Variants in SLC22A25 observed in about 807,000 individuals in gnomAD.
SLC22A25 encodes MGI:2442751, MGI:2385316, MGI:3042283, MGI:3645714, MGI:3605624, MGI:2442750.
In SLC22A25, 44 loss-of-function variants were observed where a neutral mutation model predicts 45.9. The ratio of observed to expected loss-of-function variants is 0.96; its 90% CI spans 0.75 to 1.23. The LOEUF is 1.23. Ranked by LOEUF, SLC22A25 falls within the 50% of genes most tolerant of loss-of-function variation. The pLI, the probability that SLC22A25 is intolerant of heterozygous loss-of-function variation, is 0.00. For synonymous variants in SLC22A25, 283 were observed against 238.6 expected, an observed-to-expected ratio of 1.19 and a Z score of -1.72; for missense variants, 800 against 666.4, an observed-to-expected ratio of 1.20 and a Z score of -2.21.
At chr11:63,227,140 G>A (rs1165444919) in intron 5 of SLC22A25, among the ~76,000 whole-genome samples, 8 of 152,074 alleles carry the variant, frequency 5.3e-5, no homozygotes, top group Non-Finnish European at 5.9e-5. Context: ...TCCCCACTGC[G>A]GCTGAGCTGG....
At chr11:63,217,809 C>G in intron 5 of SLC22A25, 74 bp from the exon 6 acceptor site, 2 of 1,501,806 alleles carry the variant, frequency 1.3e-6, no homozygotes, top group Non-Finnish European at 1.8e-6. Context: ...GGAAAGCACA[C>G]TTTGAAACTT....
At chr11:63,190,183 A>C (rs1029658983) in intron 7 of SLC22A25, among the ~76,000 whole-genome samples, 4 of 152,166 alleles carry the variant, frequency 2.6e-5, no homozygotes, top group African/African-American at 7.2e-5. Context: ...CAGGTACACC[A>C]ATCAGATGTA....
At chr11:63,180,921 A>G in intron 8 of SLC22A25, 146 bp from the exon 9 acceptor site, 3 of 589,532 alleles carry the variant, frequency 5.1e-6, no homozygotes, top group East Asian at 2.8e-5. Context: ...GCAATGGCAA[A>G]TATAAAAGTG....
chr11:63,166,811 A>G (rs1285381071), intron 9 of SLC22A25: 15 of 983,786 alleles, frequency 1.5e-5, no homozygotes, highest in African/African-American at 1.7e-5. Flanking sequence ...TTTTTATATT[A>G]TGTATATTTA....
Position 63,159,101 on chromosome 11 carries a change from T to C in SLC22A25, c.*4723A>G, listed in dbSNP as rs893767892. Among the ~76,000 whole-genome samples the C allele has an allele frequency of 2.6e-5, 4 of 152,232 alleles. No homozygotes were observed. The highest frequency in any genetic ancestry group is 9.6e-5 in the African/African-American group (4 of 41,464). On this transcript the variant is annotated 3_prime_UTR_variant, in exon 12 of 12. Coordinates refer to ENST00000306494, the MANE Select transcript of SLC22A25 (RefSeq NM_199352.6). Reference sequence around the variant, plus strand: ...TGACAGGATCTCATTCTTTATTTTATGGCTGAATAGTACTTCATTGTGTAT... The same window carrying C: ...TGACAGGATCTCATTCTTTATTTTACGGCTGAATAGTACTTCATTGTGTAT...
intron 11 of SLC22A25, 104 bp downstream of exon 11, chr11:63,164,422 T>C: frequency 9.9e-7 from 1 of 1,006,222 alleles, no homozygotes; most frequent in Non-Finnish European, 1.5e-6. Flanking sequence ...TTACATTTGA[T>C]TGTTTTTTAA....
chr11:63,238,171 A>T (rs2090193965), intron 2 of SLC22A25, among the ~76,000 whole-genome samples, 159 bp from the exon 3 acceptor site: 1 of 152,142 alleles, frequency 6.6e-6, no homozygotes, highest in Non-Finnish European at 1.5e-5. Context: ...GACCTTTATC[A>T]TTCAGGTCTC....
intron 7 of SLC22A25, among the ~76,000 whole-genome samples, chr11:63,189,281 C>A (rs1041940205): frequency 3.9e-5 from 6 of 152,026 alleles, no homozygotes; most frequent in Admixed American, 1.3e-4. Context: ...GTTGAATTGA[C>A]CCCTTTACCA....
intron 7 of SLC22A25, among the ~76,000 whole-genome samples, chr11:63,214,308 A>G (rs1331759019): frequency 1.3e-5 from 2 of 152,234 alleles, no homozygotes; most frequent in Non-Finnish European, 2.9e-5. Context: ...AGCCGCTGCC[A>G]GTAGAAGAAG....
rs367911045 is a variant in SLC22A25, at chr11:63,163,172, A to G, written c.*652T>C. ...GCCTAGGATCTGGGAAGGCAGCTTG[A>G]ATAGCTTCAACTCTCACACTTGGAC... On this transcript the variant is annotated 3_prime_UTR_variant, in exon 12 of 12. Transcript: ENST00000306494. 3.3e-5 allele frequency among the ~76,000 whole-genome samples: 5 copies of G among 152,336 alleles called. No individual in the cohort carries two copies. The highest frequency in any genetic ancestry group is 3.4e-3 in the Middle Eastern group (1 of 294).
At position 63,213,783 on chromosome 11, in the gene SLC22A25, C is replaced by T. The variant is rs117884842; in HGVS notation, c.830+3531G>A. 2.6e-3 allele frequency among the ~76,000 whole-genome samples: 396 copies of T among 152,238 alleles called. 12 individuals are homozygous for T. In the East Asian group the frequency reaches 0.064, roughly 25 times the overall value. On this transcript the variant is annotated intron_variant, in intron 7 of 11. Coordinates refer to ENST00000306494, the MANE Select transcript of SLC22A25 (RefSeq NM_199352.6). ...TATGGTGGACGAAGTGTTCTCGAGC[C>T]GGGAAGATCTCAGAGATACCCCCTT...
intron 7 of SLC22A25, among the ~76,000 whole-genome samples, chr11:63,187,896 C>T (rs1302051382): frequency 6.6e-6 from 1 of 152,066 alleles, no homozygotes; most frequent in African/African-American, 2.4e-5. Flanking sequence ...GGATGTAGCC[C>T]ACTTGATCAT....
Position 63,164,545 on chromosome 11 carries a change from G to T in SLC22A25, c.1375C>A (p.Leu459Ile), listed in dbSNP as rs1590765884. The T allele has an allele frequency of 6.2e-7, 1 of 1,613,686 alleles. No homozygotes were observed. ...TTGTACCTGATTATGGAAGGAATTA[G>T]TTCATTTTCTTGGGCAGTAGAACAG... ...ITCSTAQENE[L>I]IPSIIRGRAT... Residue 459 changes from leucine to isoleucine, a missense_variant, in exon 11 of 12, where the codon CTA becomes ATA. By Grantham distance (5) the Leu-to-Ile change is conservative. Coordinates refer to ENST00000306494, the MANE Select transcript of SLC22A25 (RefSeq NM_199352.6).
intron 11 of SLC22A25, 103 bp from the exon 12 acceptor site, chr11:63,164,176 G>A: frequency 7.0e-7 from 1 of 1,419,170 alleles, no homozygotes; most frequent in South Asian, 1.4e-5. Flanking sequence ...TAAACACATG[G>A]AGGTGATAAC....
At chr11:63,210,601 G>T (rs1024291502) in intron 7 of SLC22A25, among the ~76,000 whole-genome samples, 1 of 152,170 alleles carries the variant, frequency 6.6e-6, no homozygotes, top group Non-Finnish European at 1.5e-5. Context: ...TTGGCTTAGG[G>T]GGCTGAGAAT....
At chr11:63,202,193 G>C (rs2089266822) in intron 7 of SLC22A25, among the ~76,000 whole-genome samples, 1 of 152,030 alleles carries the variant, frequency 6.6e-6, no homozygotes, top group Admixed American at 6.6e-5. Context: ...CCAGGGACCT[G>C]GGTTTCAAGC....
chr11:63,205,178 T>G (rs1335029436), intron 7 of SLC22A25, among the ~76,000 whole-genome samples: 1 of 152,110 alleles, frequency 6.6e-6, no homozygotes. Context: ...AGAGGGAAAT[T>G]TATAGCACTA....
chr11:63,166,093 G>C lies in SLC22A25; in HGVS notation c.1236C>G (p.Leu412=), dbSNP rs149788197. Residue 412 remains leucine, a synonymous_variant, in exon 10 of 12, where the codon CTC becomes CTG. Transcript: ENST00000306494. ...HMSRRLSQML[L]MFLLATCLLA... ...GAAGGCAGGTTGCCAGTAGGAACAT[G>C]AGAAGCATCTGGCTTAGTCGACGGC... 339 of 1,614,032 alleles carry C rather than the reference G, an allele frequency of 2.1e-4. 15 individuals carry two copies. The highest frequency in any genetic ancestry group is 1.1e-3 in the East Asian group (50 of 44,840).
intron 7 of SLC22A25, among the ~76,000 whole-genome samples, chr11:63,203,861 T>A (rs963124036): frequency 6.6e-6 from 1 of 151,988 alleles, no homozygotes; most frequent in African/African-American, 2.4e-5. Flanking sequence ...AAGCATCAGA[T>A]TCAGCAAGGT....
Sources: gnomAD v4.1 joint callset for allele counts (sites outside exome capture counted in the v4.1 genomes callset) on GRCh38, gnomAD v4.1.1 for gene constraint, MANE v1.5 for transcripts, NCBI Gene and HGNC (gene_info 2026-07-23, HGNC 2026-07-21) for gene names.